Variants in ASIC1 observed in about 807,000 individuals in gnomAD.
ASIC1 encodes acid sensing ion channel subunit 1.
In ASIC1, 21 loss-of-function variants were observed where a neutral mutation model predicts 63.4. The observed-to-expected ratio is 0.33, with a 90% CI of 0.23 to 0.48. ASIC1 has a LOEUF of 0.48. Among genes scored for constraint, ASIC1 ranks in the 20% least tolerant of loss-of-function variants. The probability of loss-of-function intolerance (pLI) is 0.99; values close to 1 mark genes in which losing one functional copy is unlikely to be tolerated. For missense variants in ASIC1, 478 were observed against 695.5 expected (o/e 0.69, Z 3.52); for synonymous variants, 258 against 278.2 (o/e 0.93, Z 0.72).
Position 50,081,187 on chromosome 12 carries a change from CG to C in ASIC1, c.1377+11del. On this transcript the variant is annotated splice_region_variant and intron_variant, in intron 10 of 11. Coordinates refer to ENST00000447966, the MANE Select transcript of ASIC1 (RefSeq NM_001095.4). The stretch of plus-strand genomic sequence containing the variant: ...TCTTTGACTACGCCTACGAGGTAAG[CG>C]GGGGCGAGGCCCGGCACGGGGCCAC... 1 of 1,610,316 alleles carries C rather than the reference CG, an allele frequency of 6.2e-7. No homozygotes were observed. Among genetic ancestry groups the C allele is most frequent in the Non-Finnish European group, 8.5e-7 (1 of 1,178,438 alleles).
Position 50,057,600 on chromosome 12 carries a change from C to G in ASIC1, c.-333C>G, listed in dbSNP as rs919441757. ...CGCACGCGCACCCTCTCCCCTCCCC[C>G]TCCCCTCCCGCCGCCTCCCGGCCGG... On this transcript the variant is annotated 5_prime_UTR_variant, in exon 1 of 12. Coordinates refer to ENST00000447966, the MANE Select transcript of ASIC1 (RefSeq NM_001095.4). This position sits in a 1 kb window ranked among gnomAD's most constrained non-coding sequence, Gnocchi z 4.7. 1.3e-5 allele frequency: 2 copies of G among 152,236 alleles called. No homozygotes were observed. The highest frequency in any genetic ancestry group is 4.8e-5 in the African/African-American group (2 of 41,438). The allele number at this position is 152,236 out of a possible 1,614,324, so 9.4% of individuals were successfully genotyped here.
chr12:50,072,288 C>T (rs1449839698), intron 3 of ASIC1, among the ~76,000 whole-genome samples: 1 of 152,190 alleles, frequency 6.6e-6, no homozygotes, highest in Non-Finnish European at 1.5e-5. Flanking sequence ...CTCCTCTGGC[C>T]CTGCAGAGAA....
chr12:50,073,197 G>A (rs942726185), intron 3 of ASIC1, among the ~76,000 whole-genome samples: 6 of 152,128 alleles, frequency 3.9e-5, no homozygotes, highest in African/African-American at 1.4e-4. Flanking sequence ...TCACCTGGGA[G>A]GGGTGGGTTC....
chr12:50,075,917 G>A (rs1283031919), intron 3 of ASIC1, among the ~76,000 whole-genome samples: 2 of 152,208 alleles, frequency 1.3e-5, no homozygotes, highest in African/African-American at 4.8e-5. Context: ...GGGCTGCACT[G>A]GGGCATGGAG....
At position 50,083,099 on chromosome 12, in the gene ASIC1, G is replaced by C. The variant is rs538285270; in HGVS notation, c.*1450G>C. 6.5e-6 allele frequency: 1 copy of C among 152,726 alleles called. No individual in the cohort carries two copies. Among genetic ancestry groups the C allele is most frequent in the South Asian group, 2.1e-4 (1 of 4,836 alleles). The allele number at this position is 152,726 out of a possible 1,614,324, so 9.5% of individuals were successfully genotyped here. A position where few individuals can be genotyped will look rare whatever the true frequency, so the allele number is the denominator to read the frequency against. On this transcript the variant is annotated 3_prime_UTR_variant, in exon 12 of 12. Transcript: ENST00000447966. ...ACTCCTGAAGTTGGGGCAGTGGGATGCTGACAGGCAGAAGCTGAGGTCCTC... is the reference window on the plus strand; with the variant it reads ...ACTCCTGAAGTTGGGGCAGTGGGATCCTGACAGGCAGAAGCTGAGGTCCTC...
intron 3 of ASIC1, among the ~76,000 whole-genome samples, chr12:50,064,022 C>G (rs372753): frequency 0.99 from 150,510 of 152,202 alleles, 74,445 homozygotes; most frequent in Middle Eastern, 1. Context: ...GCCATGCAGA[C>G]AGGGGAAGGG....
At chr12:50,073,999 T>G (rs1383006749) in intron 3 of ASIC1, 2 of 1,535,732 alleles carry the variant, frequency 1.3e-6, no homozygotes, top group East Asian at 4.9e-5. Context: ...AGTCACCCTC[T>G]GCAACACTAA....
chr12:50,073,619 C>T (rs1270455892), intron 3 of ASIC1: 1 of 1,535,652 alleles, frequency 6.5e-7, no homozygotes, highest in African/African-American at 1.4e-5. Context: ...ATGTCATTCT[C>T]CTCTGGAGAG....
At position 50,080,578 on chromosome 12, in the gene ASIC1, C is replaced by T; in HGVS notation, c.1286C>T (p.Ala429Val). The change falls in exon 9 of 12, where the codon GCA becomes GTA. Residue 429 changes from alanine to valine, a missense_variant. Physicochemically the swap from Ala to Val is moderately conservative, Grantham distance 64 (BLOSUM62 0). Coordinates refer to ENST00000447966, the MANE Select transcript of ASIC1 (RefSeq NM_001095.4). Reference protein sequence around the residue: ...TIEQKKAYEIAGLLGDIGGQM... With the variant: ...TIEQKKAYEIVGLLGDIGGQM... ...GAACAGAAGAAGGCCTATGAGATTG[C>T]AGGGCTCCTGGGTGAGCTGCTGATG... The T allele has an allele frequency of 6.2e-7, 1 of 1,614,192 alleles. No individual in the cohort carries two copies. Among genetic ancestry groups the T allele is most frequent in the Non-Finnish European group, 8.5e-7 (1 of 1,180,034 alleles).
intron 3 of ASIC1, among the ~76,000 whole-genome samples, chr12:50,067,409 TG>T (rs1394438201): frequency 1.3e-4 from 14 of 110,146 alleles, no homozygotes; most frequent in Non-Finnish European, 1.7e-4. Context: ...CTTCTGCTGT[TG>T]TTTTTTTTTT....
chr12:50,062,336 G>T lies in ASIC1; in HGVS notation c.558+2382G>T, dbSNP rs562780648. On this transcript the variant is annotated intron_variant, in intron 3 of 11. Transcript: ENST00000447966. ...CATTCTCTGCTAGGCCAAGAGGTGT[G>T]TTGGGAGTGTGTCTCTAGCCCTGGG... Among the ~76,000 whole-genome samples the T allele has an allele frequency of 2.6e-5, 4 of 152,354 alleles. No homozygotes were observed. The East Asian group carries it at 7.7e-4, about 29-fold the overall frequency.
At chr12:50,073,747 G>C (rs1370945161) in intron 3 of ASIC1, 1 of 1,536,302 alleles carries the variant, frequency 6.5e-7, no homozygotes, top group Admixed American at 2.0e-5. Flanking sequence ...GAGGAAGGAG[G>C]CCAGTGAGGG....
intron 3 of ASIC1, among the ~76,000 whole-genome samples, chr12:50,061,600 G>A (rs555798246): frequency 2.1e-4 from 32 of 152,320 alleles, no homozygotes; most frequent in Middle Eastern, 3.4e-3. Context: ...GGAGGGACCC[G>A]TGAGAAAGAT....
intron 3 of ASIC1, among the ~76,000 whole-genome samples, chr12:50,065,075 G>T (rs990696524): frequency 6.6e-6 from 1 of 152,118 alleles, no homozygotes; most frequent in Non-Finnish European, 1.5e-5. Context: ...TCAGCCTCTC[G>T]GAAAATGCCA....
chr12:50,077,950 T>C (rs2137844116), intron 4 of ASIC1, 50 bp from the exon 5 acceptor site: 1 of 1,572,768 alleles, frequency 6.4e-7, no homozygotes, highest in East Asian at 2.2e-5. Context: ...GTCTGAGGGG[T>C]GTTAGGGAGT....
At position 50,074,017 on chromosome 12, in the gene ASIC1, C is replaced by A. The variant is rs995508195; in HGVS notation, c.559-3196C>A. 2.8e-5 allele frequency: 43 copies of A among 1,534,630 alleles called. No individual in the cohort carries two copies. The African/African-American group carries it at 3.4e-4, about 12-fold the overall frequency. ...CACCCTCTGCAACACTAATGCTGTGCGGCTGTCCCAGCTCAGCTACCCTGA... is the reference window on the plus strand; with the variant it reads ...CACCCTCTGCAACACTAATGCTGTGAGGCTGTCCCAGCTCAGCTACCCTGA... On this transcript the variant is annotated intron_variant, in intron 3 of 11. Coordinates refer to ENST00000447966, the MANE Select transcript of ASIC1 (RefSeq NM_001095.4). The surrounding 1 kb of genome is among the most constrained non-coding windows in gnomAD (Gnocchi z 4.2).
rs1950743402 is a variant in ASIC1 at position 50,083,540 on chromosome 12, A to G, written c.*1891A>G. On this transcript the variant is annotated 3_prime_UTR_variant, in exon 12 of 12. Transcript: ENST00000447966. The stretch of plus-strand genomic sequence containing the variant: ...GCAGGAATGAGGCCAAAAAGTGTGC[A>G]TTGGATAGGGGAACAGCAGGCAGGG... 6.5e-6 allele frequency: 1 copy of G among 152,844 alleles called. No individual in the cohort carries two copies. Among genetic ancestry groups the G allele is most frequent in the Non-Finnish European group, 1.5e-5 (1 of 68,172 alleles). The allele number at this position is 152,844 out of a possible 1,614,324, so 9.5% of individuals were successfully genotyped here. A position where few individuals can be genotyped will look rare whatever the true frequency, so the allele number is the denominator to read the frequency against.
Position 50,074,057 on chromosome 12 carries a change from C to T in ASIC1, c.559-3156C>T, listed in dbSNP as rs1950627845. The T allele has an allele frequency of 6.5e-7, 1 of 1,534,450 alleles. No individual in the cohort carries two copies. The highest frequency in any genetic ancestry group is 8.7e-7 in the Non-Finnish European group (1 of 1,145,818). On this transcript the variant is annotated intron_variant, in intron 3 of 11. Coordinates refer to ENST00000447966, the MANE Select transcript of ASIC1 (RefSeq NM_001095.4). This position sits in a 1 kb window ranked among gnomAD's most constrained non-coding sequence, Gnocchi z 4.2. Reference sequence around the variant, plus strand: ...AGCTACCCTGACTTGCTTTATTTGGCCCCCATGCTGGGACTGGATGAAAGT... The same window carrying T: ...AGCTACCCTGACTTGCTTTATTTGGTCCCCATGCTGGGACTGGATGAAAGT...
rs1950712516 is a variant in ASIC1, at chr12:50,081,194, G to C, written c.1377+13G>C. On this transcript the variant is annotated intron_variant, in intron 10 of 11. Transcript: ENST00000447966. Reference sequence around the variant, plus strand: ...CTACGCCTACGAGGTAAGCGGGGGCGAGGCCCGGCACGGGGCCACGTGGGG... The same window carrying C: ...CTACGCCTACGAGGTAAGCGGGGGCCAGGCCCGGCACGGGGCCACGTGGGG... The C allele has an allele frequency of 3.1e-6, 5 of 1,609,502 alleles. No homozygotes were observed. Among genetic ancestry groups the C allele is most frequent in the Non-Finnish European group, 4.2e-6 (5 of 1,178,110 alleles).
Sources: gnomAD v4.1 joint callset for allele counts (sites outside exome capture counted in the v4.1 genomes callset) on GRCh38, gnomAD v4.1.1 for gene constraint, Gnocchi (gnomAD v3.1) non-coding constraint, MANE v1.5 for transcripts, NCBI Gene and HGNC (gene_info 2026-07-23, HGNC 2026-07-21) for gene names.